Variants in RAPGEF5 observed in about 807,000 individuals in gnomAD.
The protein encoded by RAPGEF5 is M-Ras-regulated GEF.
RAPGEF5 carries 65 observed loss-of-function variants against 125.2 expected under a neutral mutation model. The ratio of observed to expected loss-of-function variants is 0.52; its 90% confidence interval spans 0.43 to 0.64. The LOEUF is 0.64. Ranked by LOEUF, RAPGEF5 falls within the 30% of genes least tolerant of loss-of-function variation. The probability of loss-of-function intolerance (pLI) is 0.00; values close to 1 mark genes in which losing one functional copy is unlikely to be tolerated. For synonymous variants in RAPGEF5, 391 were observed against 385.9 expected (o/e 1.01, Z -0.16); for missense variants, 958 against 1,048.1 (o/e 0.91, Z 1.19).
intron 2 of RAPGEF5, among the ~76,000 whole-genome samples, chr7:22,317,104 A>G (rs1783617201): frequency 6.6e-6 from 1 of 152,132 alleles, no homozygotes; most frequent in Non-Finnish European, 1.5e-5. Flanking sequence ...AGTCATTCAA[A>G]AAGTACATAA....
chr7:22,195,348 G>A (rs921005249), intron 9 of RAPGEF5, among the ~76,000 whole-genome samples: 2 of 152,142 alleles, frequency 1.3e-5, no homozygotes, highest in Admixed American at 6.5e-5. Flanking sequence ...TTACCTCCTG[G>A]TATTCTGATT....
chr7:22,162,465 C>T lies in RAPGEF5; in HGVS notation c.1360G>A (p.Val454Ile), dbSNP rs376127548. 6.2e-7 allele frequency: 1 copy of T among 1,602,642 alleles called. No individual in the cohort carries two copies. Among genetic ancestry groups the T allele is most frequent in the African/African-American group, 1.3e-5 (1 of 74,618 alleles). ...TTGTACAGAGCAATCCACTGGGAAACAAGATGCAAGACTTTACGTTTCCTA... is the reference window on the plus strand; with the variant it reads ...TTGTACAGAGCAATCCACTGGGAAATAAGATGCAAGACTTTACGTTTCCTA... ...PRRKRKVLHL[V>I]SQWIALYKDW... The change falls in exon 13 of 26, where the codon GTT (valine) becomes ATT (isoleucine). Residue 454 changes from valine (V) to isoleucine (I), a missense_variant. Transcript: ENST00000665637.
intron 7 of RAPGEF5, among the ~76,000 whole-genome samples, chr7:22,251,775 CAAAAAAAAA>C (rs58681076): frequency 2.3e-3 from 168 of 73,350 alleles, no homozygotes; most frequent in Middle Eastern, 0.027. Flanking sequence ...GTTTCATTGA[CAAAAAAAAA>C]AAAAAAAAAA....
At chr7:22,336,159 C>A (rs1359733084) in intron 1 of RAPGEF5, among the ~76,000 whole-genome samples, 2 of 152,134 alleles carry the variant, frequency 1.3e-5, no homozygotes. Context: ...TTAACCTCTC[C>A]TTTCCCCACT....
chr7:22,307,922 G>C (rs17146653), intron 5 of RAPGEF5, among the ~76,000 whole-genome samples: 14,952 of 152,074 alleles, frequency 0.098, 1,206 homozygotes, highest in East Asian at 0.42. Context: ...GATGATTCAC[G>C]TGTTTTAATT....
chr7:22,238,261 C>T (rs540111035), intron 7 of RAPGEF5, among the ~76,000 whole-genome samples: 27 of 152,212 alleles, frequency 1.8e-4, no homozygotes, highest in Non-Finnish European at 3.2e-4. Context: ...AAGGTGAATA[C>T]CATTTCTTGG....
chr7:22,127,893 C>T (rs978806249), intron 24 of RAPGEF5, among the ~76,000 whole-genome samples: 75 of 152,138 alleles, frequency 4.9e-4, no homozygotes, highest in African/African-American at 1.6e-3. Flanking sequence ...CACTTCTATT[C>T]GATAGTGGAA....
At chr7:22,249,178 T>C (rs1786554946) in intron 7 of RAPGEF5, among the ~76,000 whole-genome samples, 2 of 152,016 alleles carry the variant, frequency 1.3e-5, no homozygotes, top group Admixed American at 1.3e-4. Flanking sequence ...AGGCTTAAAG[T>C]TATTTACCCT....
intron 6 of RAPGEF5, among the ~76,000 whole-genome samples, chr7:22,271,825 A>G (rs1011298292): frequency 1.3e-5 from 2 of 152,238 alleles, no homozygotes; most frequent in Non-Finnish European, 2.9e-5. Flanking sequence ...AATCAGAGTC[A>G]GTCTTATGTC....
At chr7:22,257,452 T>C (rs1782026245) in intron 7 of RAPGEF5, among the ~76,000 whole-genome samples, 1 of 152,210 alleles carries the variant, frequency 6.6e-6, no homozygotes, top group Non-Finnish European at 1.5e-5. Flanking sequence ...TTATGAAACA[T>C]ATGCTATGAT....
chr7:22,233,429 G>T (rs2128134989), intron 7 of RAPGEF5, among the ~76,000 whole-genome samples: 1 of 152,102 alleles, frequency 6.6e-6, no homozygotes, highest in East Asian at 1.9e-4. Flanking sequence ...TCATGTTTTT[G>T]GTTTTAAAAC....
intron 14 of RAPGEF5, among the ~76,000 whole-genome samples, chr7:22,159,806 G>A (rs1379358851): frequency 7.9e-6 from 1 of 126,990 alleles, no homozygotes; most frequent in Non-Finnish European, 1.6e-5. Flanking sequence ...CCATAAAATT[G>A]AGCTTTTAAA....
At chr7:22,148,374 A>G (rs1783512546) in intron 18 of RAPGEF5, among the ~76,000 whole-genome samples, 1 of 152,212 alleles carries the variant, frequency 6.6e-6, no homozygotes, top group Admixed American at 6.5e-5. Context: ...AAATAACTCT[A>G]TTTATTCAAG....
At chr7:22,167,655 A>G (rs565203906) in intron 11 of RAPGEF5, among the ~76,000 whole-genome samples, 20 of 152,316 alleles carry the variant, frequency 1.3e-4, no homozygotes, top group African/African-American at 4.8e-4. Context: ...ATTCACCTTT[A>G]TCTCTTAAAT....
At chr7:22,251,446 C>T (rs1786617818) in intron 7 of RAPGEF5, among the ~76,000 whole-genome samples, 1 of 152,140 alleles carries the variant, frequency 6.6e-6, no homozygotes, top group Non-Finnish European at 1.5e-5. Context: ...GCATGTATCA[C>T]AGATTCATCT....
At chr7:22,341,857 T>C (rs1377605800) in intron 1 of RAPGEF5, among the ~76,000 whole-genome samples, 1 of 152,198 alleles carries the variant, frequency 6.6e-6, no homozygotes. Flanking sequence ...CACAGGCTGG[T>C]GTTGAATGTC....
intron 6 of RAPGEF5, among the ~76,000 whole-genome samples, chr7:22,280,698 A>C (rs1159830039): frequency 6.6e-6 from 1 of 152,124 alleles, no homozygotes; most frequent in Non-Finnish European, 1.5e-5. Context: ...TTTTATAATG[A>C]GACTGGAAAC....
chr7:22,343,249 G>C (rs1187086597), intron 1 of RAPGEF5, among the ~76,000 whole-genome samples: 2 of 152,068 alleles, frequency 1.3e-5, no homozygotes, highest in African/African-American at 4.8e-5. Flanking sequence ...GAACAGCACA[G>C]GAAAGATCTG....
chr7:22,247,698 T>G (rs1786513614), intron 7 of RAPGEF5, among the ~76,000 whole-genome samples: 1 of 151,688 alleles, frequency 6.6e-6, no homozygotes, highest in Non-Finnish European at 1.5e-5. Flanking sequence ...AGTATGAAAA[T>G]GCACTAATAT....
Sources: allele counts gnomAD v4.1 joint callset (sites outside exome capture counted in the v4.1 genomes callset), GRCh38; gene constraint gnomAD v4.1.1; transcripts MANE v1.5; gene names NCBI Gene and HGNC (gene_info 2026-07-23, HGNC 2026-07-21).